Variants in DRC8 observed in about 807,000 individuals in gnomAD.
DRC8 encodes the protein dynein regulatory complex protein 8.
the DRC8 span, chr1:245,075,559 C>T: frequency 2.6e-5 from 4 of 152,344 alleles, no homozygotes; most frequent in East Asian, 7.7e-4. Context: ...CCTACTCCAC[C>T]TTAATTCTTT....
At chr1:245,095,361 A>C in the DRC8 span, among the ~76,000 whole-genome samples, 3 of 152,232 alleles carry the variant, frequency 2.0e-5, no homozygotes, top group Admixed American at 1.3e-4. Context: ...GGGGAAGAGA[A>C]ATAAATAAAT....
chr1:245,070,515 T>A, the DRC8 span, among the ~76,000 whole-genome samples: 3 of 152,332 alleles, frequency 2.0e-5, no homozygotes, highest in South Asian at 6.2e-4. Context: ...ATGATGAGAT[T>A]TGCATTTTAT....
the DRC8 span, among the ~76,000 whole-genome samples, chr1:245,101,921 G>A: frequency 6.6e-6 from 1 of 152,106 alleles, no homozygotes; most frequent in Non-Finnish European, 1.5e-5. Context: ...GACGATTTAG[G>A]TTCATCTTGT....
At chr1:244,984,763 A>T in the DRC8 span, among the ~76,000 whole-genome samples, 1 of 149,500 alleles carries the variant, frequency 6.7e-6, no homozygotes, top group Non-Finnish European at 1.5e-5. Context: ...TGAACCTGGG[A>T]GGTGGAGGTT....
the DRC8 span, chr1:245,087,009 G>A: frequency 1.7e-6 from 1 of 595,026 alleles, no homozygotes; most frequent in Non-Finnish European, 3.0e-6. Flanking sequence ...GTGTTCTAGA[G>A]GTTGCTTGAT....
At chr1:245,079,245 A>T in the DRC8 span, among the ~76,000 whole-genome samples, 1 of 152,168 alleles carries the variant, frequency 6.6e-6, no homozygotes, top group African/African-American at 2.4e-5. Context: ...GGTCATAGAA[A>T]GATTTTACAA....
chr1:245,059,493 C>A, the DRC8 span: 1 of 1,571,310 alleles, frequency 6.4e-7, no homozygotes, highest in Admixed American at 1.8e-5. Flanking sequence ...TCAGCCAGCT[C>A]TCTGTGTGAG....
At chr1:244,982,822 G>A in the DRC8 span, among the ~76,000 whole-genome samples, 15 of 152,216 alleles carry the variant, frequency 9.9e-5, no homozygotes, top group Admixed American at 6.5e-4. Flanking sequence ...CAGCACTTTG[G>A]GAGGCTGAGG....
the DRC8 span, among the ~76,000 whole-genome samples, chr1:245,108,855 C>T: frequency 6.6e-6 from 1 of 152,170 alleles, no homozygotes. Flanking sequence ...TGCCTCTAGG[C>T]TCAGCCCCAT....
At chr1:245,100,311 G>A in the DRC8 span, among the ~76,000 whole-genome samples, 1 of 152,018 alleles carries the variant, frequency 6.6e-6, no homozygotes, top group Non-Finnish European at 1.5e-5. Context: ...CTTGAACCCC[G>A]GAGGCGGAGG....
the DRC8 span, among the ~76,000 whole-genome samples, chr1:245,099,908 C>T: frequency 1.5e-4 from 23 of 152,268 alleles, no homozygotes; most frequent in African/African-American, 4.3e-4. Context: ...CCCTCCCCGC[C>T]GGCCATCAAC....
chr1:245,070,049 T>TA, the DRC8 span, among the ~76,000 whole-genome samples: 4 of 151,916 alleles, frequency 2.6e-5, no homozygotes, highest in African/African-American at 7.3e-5. Flanking sequence ...TGTCTCTAAA[T>TA]AAAAAATAAA....
the DRC8 span, among the ~76,000 whole-genome samples, chr1:245,066,081 A>C: frequency 6.6e-6 from 1 of 152,062 alleles, no homozygotes; most frequent in African/African-American, 2.4e-5. Flanking sequence ...TTCTAGATCT[A>C]CTAGATTATT....
At chr1:245,014,548 G>T in the DRC8 span, among the ~76,000 whole-genome samples, 1 of 152,186 alleles carries the variant, frequency 6.6e-6, no homozygotes, top group Non-Finnish European at 1.5e-5. Flanking sequence ...AAAAATGGAA[G>T]GTTGTGTAAA....
At chr1:245,015,336 A>C in the DRC8 span, among the ~76,000 whole-genome samples, 4 of 152,224 alleles carry the variant, frequency 2.6e-5, no homozygotes, top group Non-Finnish European at 4.4e-5. Context: ...AACACCTTGG[A>C]GTTGGCCTTA....
At chr1:245,113,915 C>G in the DRC8 span, among the ~76,000 whole-genome samples, 1 of 152,174 alleles carries the variant, frequency 6.6e-6, no homozygotes, top group Admixed American at 6.5e-5. Context: ...CTGCCCGACT[C>G]CACGGTCCAA....
chr1:245,098,977 A>G, the DRC8 span, among the ~76,000 whole-genome samples: 1 of 152,332 alleles, frequency 6.6e-6, no homozygotes, highest in South Asian at 2.1e-4. Flanking sequence ...TGAACGGGCA[A>G]CATGTGATCC....
chr1:245,113,208 C>G, the DRC8 span, among the ~76,000 whole-genome samples: 1 of 152,172 alleles, frequency 6.6e-6, no homozygotes, highest in Non-Finnish European at 1.5e-5. Flanking sequence ...GAGCTTATCA[C>G]CGTGTCTTAC....
At chr1:245,087,344 T>C in the DRC8 span, 9 of 1,587,124 alleles carry the variant, frequency 5.7e-6, no homozygotes, top group Non-Finnish European at 7.7e-6. Flanking sequence ...ACAATGATGG[T>C]GATAGATGAA....
Sources: gnomAD v4.1 joint callset for allele counts (sites outside exome capture counted in the v4.1 genomes callset) on GRCh38, gnomAD v4.1.1 for gene constraint, MANE v1.5 for transcripts, NCBI Gene and HGNC (gene_info 2026-07-23, HGNC 2026-07-21) for gene names.